P2RX3: variants seen among roughly 807,000 people sequenced by gnomAD.
The protein encoded by P2RX3 is purinergic receptor P2X 3.
A neutral mutation model predicts 51.5 loss-of-function variants in P2RX3; 41 were observed. The ratio of observed to expected loss-of-function variants is 0.80; its 90% CI spans 0.62 to 1.03. The LOEUF (loss-of-function observed/expected upper bound fraction) is 1.03. Among genes scored for constraint, P2RX3 ranks in the 50% least tolerant of loss-of-function variants. The probability of loss-of-function intolerance (pLI) is 0.00; values close to 1 mark genes in which losing one functional copy is unlikely to be tolerated. For synonymous variants in P2RX3, 185 were observed against 191.6 expected, an observed-to-expected ratio of 0.97 and a Z score of 0.29; for missense variants, 459 against 522.1, an observed-to-expected ratio of 0.88 and a Z score of 1.18.
chr11:57,340,434 G>A (rs995714187), intron 1 of P2RX3: 2 of 152,340 alleles, frequency 1.3e-5, no homozygotes, highest in African/African-American at 4.8e-5. Context: ...AGCTCCCCAC[G>A]GGACACTGCC....
intron 6 of P2RX3, among the ~76,000 whole-genome samples, chr11:57,349,255 GT>G (rs1206514323): frequency 6.7e-6 from 1 of 150,146 alleles, no homozygotes; most frequent in Non-Finnish European, 1.5e-5. Flanking sequence ...GAGGTCAGGA[GT>G]TTGCGACCAG....
chr11:57,350,298 T>TTTTTTTC (rs2134421956), intron 7 of P2RX3: 1 of 148,924 alleles, frequency 6.7e-6, no homozygotes, highest in East Asian at 1.7e-4. Context: ...GCCACAACCT[T>TTTTTTTC]TTTTTTTTTT....
At chr11:57,361,319 C>T (rs1856714590) in intron 8 of P2RX3, among the ~76,000 whole-genome samples, 2 of 151,836 alleles carry the variant, frequency 1.3e-5, no homozygotes, top group Non-Finnish European at 2.9e-5. Context: ...TTCTGGGATA[C>T]ATGTGCAGGA....
chr11:57,369,409 G>C lies in P2RX3; in HGVS notation c.1051G>C (p.Asp351His). ...IILLNFLKGA[D>H]QYKAKKFEEV... ...CCTGCTCAACTTCCTCAAGGGGGCC[G>C]ACCAGTACAAAGCCAAGAAGTTTGA... is the stretch of plus-strand genomic sequence containing the variant. The change falls in exon 11 of 12, where the codon GAC (aspartate) becomes CAC (histidine). Residue 351 changes from aspartate to histidine, a missense_variant. By Grantham distance (81) the Asp-to-His change is moderately conservative. Coordinates refer to ENST00000263314, the MANE Select transcript of P2RX3 (RefSeq NM_002559.5). 1.2e-6 allele frequency: 2 copies of C among 1,609,282 alleles called. No individual in the cohort carries two copies. Among genetic ancestry groups the C allele is most frequent in the Non-Finnish European group, 1.7e-6 (2 of 1,178,084 alleles).
intron 8 of P2RX3, among the ~76,000 whole-genome samples, chr11:57,352,941 TAA>T (rs1761081305): frequency 6.6e-6 from 1 of 152,108 alleles, no homozygotes. Flanking sequence ...CCTTGTGATT[TAA>T]AAGTTTCCAG....
intron 6 of P2RX3, 89 bp from the exon 7 acceptor site, chr11:57,349,667 CT>C: frequency 2.0e-6 from 3 of 1,537,438 alleles, no homozygotes; most frequent in Non-Finnish European, 2.7e-6. Context: ...CAGATCCCCC[CT>C]AGGCCTGGGC....
At chr11:57,348,483 T>A (rs1856483760) in intron 5 of P2RX3, 144 bp from the exon 6 acceptor site, 1 of 729,362 alleles carries the variant, frequency 1.4e-6, no homozygotes, top group Non-Finnish European at 2.3e-6. Flanking sequence ...GACAGCCCCT[T>A]CCTATAGCCC....
rs1159845202 is a variant in P2RX3 at position 57,371,377 on chromosome 11, G to C, written c.*1380G>C. On this transcript the variant is annotated 3_prime_UTR_variant, in exon 12 of 12. Transcript: ENST00000263314. ...GCTCATGCAAGTGAATGAGCCTAAA[G>C]AATGTTTCAATAGCTTCATGATAAA... 6.6e-6 allele frequency among the ~76,000 whole-genome samples: 1 copy of C among 152,244 alleles called. No individual in the cohort carries two copies. The highest frequency in any genetic ancestry group is 2.4e-5 in the African/African-American group (1 of 41,468).
chr11:57,353,805 A>G (rs1172045534), intron 8 of P2RX3, among the ~76,000 whole-genome samples: 1 of 149,774 alleles, frequency 6.7e-6, no homozygotes, highest in Non-Finnish European at 1.5e-5. Context: ...TTCCATCACT[A>G]ATTACATTCG....
intron 8 of P2RX3, among the ~76,000 whole-genome samples, chr11:57,353,393 A>G (rs1284545299): frequency 2.6e-5 from 4 of 152,188 alleles, no homozygotes; most frequent in Non-Finnish European, 5.9e-5. Flanking sequence ...CTCACTGTTA[A>G]ATAACATTCT....
chr11:57,358,478 G>A (rs891597972), intron 8 of P2RX3, among the ~76,000 whole-genome samples: 6 of 152,184 alleles, frequency 3.9e-5, no homozygotes, highest in Admixed American at 2.6e-4. Context: ...GTTATGCTGG[G>A]GCAAGCCAAG....
chr11:57,339,677 C>A (rs1490993194), intron 1 of P2RX3, among the ~76,000 whole-genome samples: 1 of 152,194 alleles, frequency 6.6e-6, no homozygotes, highest in Admixed American at 6.5e-5. Flanking sequence ...ATGCGGGTCT[C>A]CAATCTTATG....
intron 11 of P2RX3, 99 bp downstream of exon 11, chr11:57,369,537 G>A (rs936890076): frequency 2.6e-6 from 3 of 1,152,216 alleles, no homozygotes; most frequent in South Asian, 2.9e-5. Flanking sequence ...CCTTCTGAAG[G>A]GGGGTTCACC....
At chr11:57,347,559 T>C in intron 4 of P2RX3, 81 bp downstream of exon 4, 1 of 1,426,516 alleles carries the variant, frequency 7.0e-7, no homozygotes, top group Non-Finnish European at 9.7e-7. Context: ...GGAGAGGGAG[T>C]GGGAACCAGC....
At chr11:57,365,625 A>C (rs1287944177) in intron 8 of P2RX3, among the ~76,000 whole-genome samples, 1 of 152,232 alleles carries the variant, frequency 6.6e-6, no homozygotes, top group African/African-American at 2.4e-5. Flanking sequence ...TCTCACCAAC[A>C]GACCTTCTAG....
At chr11:57,348,597 A>G (rs2134418464) in intron 5 of P2RX3, 30 bp from the exon 6 acceptor site, 1 of 1,589,770 alleles carries the variant, frequency 6.3e-7, no homozygotes, top group East Asian at 2.2e-5. Context: ...TTCTTCCTGG[A>G]AAGCTAAGGC....
chr11:57,363,840 C>G (rs1291799308), intron 8 of P2RX3, among the ~76,000 whole-genome samples: 2 of 152,170 alleles, frequency 1.3e-5, no homozygotes, highest in Non-Finnish European at 2.9e-5. Context: ...CCTCCTCCCT[C>G]CACCCGGGAA....
At chr11:57,363,638 G>T (rs1856753576) in intron 8 of P2RX3, among the ~76,000 whole-genome samples, 1 of 152,212 alleles carries the variant, frequency 6.6e-6, no homozygotes, top group African/African-American at 2.4e-5. Flanking sequence ...GCTAAATGCA[G>T]GGGACTGGGA....
At chr11:57,350,945 T>G (rs773261757) in intron 8 of P2RX3, 47 bp downstream of exon 8, 1 of 1,612,596 alleles carries the variant, frequency 6.2e-7, no homozygotes, top group African/African-American at 1.3e-5. Flanking sequence ...GTGCGGGCTG[T>G]TAACGGCAAT....
Sources: allele counts gnomAD v4.1 joint callset (sites outside exome capture counted in the v4.1 genomes callset), GRCh38; gene constraint gnomAD v4.1.1; transcripts MANE v1.5; gene names NCBI Gene and HGNC (gene_info 2026-07-23, HGNC 2026-07-21).